Variants in APC2 observed in about 807,000 individuals in gnomAD.
APC2 encodes the protein APC regulator of Wnt signaling pathway 2.
Under a neutral mutation model 72.5 loss-of-function variants are expected in APC2, and 41 were observed. That is an observed-to-expected ratio of 0.57 (90% CI 0.44 to 0.73). APC2 has a LOEUF of 0.73. Ranked by LOEUF, APC2 falls within the 30% of genes least tolerant of loss-of-function variation. The pLI is 0.00. For synonymous variants in APC2, 1,898 were observed against 1,612.0 expected (o/e 1.18, Z -4.25); for missense variants, 3,729 against 3,403.4 (o/e 1.10, Z -2.38).
chr19:1,448,540 C>CA (rs2083707182), upstream of APC2, among the ~76,000 whole-genome samples: 3 of 138,334 alleles, frequency 2.2e-5, no homozygotes, highest in Non-Finnish European at 3.1e-5. Flanking sequence ...AGCAAGACCC[C>CA]ATCTAAAAAA....
rs2084127305 is a variant in APC2 at position 1,471,147 on chromosome 19, C to T, written c.*934C>T. 1 of 152,566 alleles carries T rather than the reference C, an allele frequency of 6.6e-6. No homozygotes were observed. The allele number at this position is 152,566 out of a possible 1,614,324, so 9.5% of individuals were successfully genotyped here. On this transcript the variant is annotated 3_prime_UTR_variant, in exon 15 of 15. Transcript: ENST00000590469. Reference sequence around the variant, plus strand: ...GAGTCCCGGCAGTGAGCCCGAGGCCCTGGGACCTGGAGCCCGCGCTGGCCT... The same window carrying T: ...GAGTCCCGGCAGTGAGCCCGAGGCCTTGGGACCTGGAGCCCGCGCTGGCCT...
In APC2 at chr19:1,466,737, A is replaced by G. The variant is rs1270779781; in HGVS notation, c.3436A>G (p.Ser1146Gly). The G allele has an allele frequency of 1.3e-6, 2 of 1,542,928 alleles. No individual in the cohort carries two copies. Among genetic ancestry groups the G allele is most frequent in the Non-Finnish European group, 8.7e-7 (1 of 1,142,904 alleles). ...GGGGGTGGAAGACGCCACGCCGTCC[A>G]GCTCGTCGGAGAACTACGTGCAGGA... ...GLGVEDATPS[S>G]SSENYVQETP... is the part of the protein sequence containing the mutation. Residue 1146 changes from serine to glycine, a missense_variant, in exon 15 of 15, where the codon AGC becomes GGC. Physicochemically the swap from Ser to Gly is moderately conservative, Grantham distance 56. Coordinates refer to ENST00000590469, the MANE Select transcript of APC2 (RefSeq NM_005883.3).
intron 6 of APC2, 51 bp from the exon 7 acceptor site, chr19:1,456,025 A>T: frequency 6.8e-7 from 1 of 1,470,384 alleles, no homozygotes; most frequent in Non-Finnish European, 9.0e-7. Context: ...GCGGGGTCAG[A>T]GCCGGGGGCG....
Position 1,461,027 on chromosome 19 carries a change from C to A in APC2, c.1522-10C>A, listed in dbSNP as rs2083914408. 2 of 1,613,672 alleles carry A rather than the reference C, an allele frequency of 1.2e-6. No homozygotes were observed. Among genetic ancestry groups the A allele is most frequent in the Non-Finnish European group, 1.7e-6 (2 of 1,179,830 alleles). ...CTAGTCCCACCACACTTGCCCCTCA[C>A]CCCACCCAGGTGGTGTCCAGCATCC... On this transcript the variant is annotated splice_polypyrimidine_tract_variant and intron_variant, in intron 12 of 14. Transcript: ENST00000590469.
chr19:1,460,197 G>A lies in APC2; in HGVS notation c.1320G>A (p.Val440=), dbSNP rs772815363. The change falls in exon 11 of 15, where the codon GTG becomes GTA. Residue 440 remains valine (V), a synonymous_variant. Transcript: ENST00000590469. The part of the protein sequence containing the change: ...AMNELGGLQA[V]AELLQVDYEM... The stretch of plus-strand genomic sequence containing the variant: ...TCCTCACAGGTGGGCTGCAGGCCGT[G>A]GCAGAGCTGCTGCAGGTTGACTATG... The A allele has an allele frequency of 3.3e-5, 54 of 1,613,424 alleles. No homozygotes were observed. Among genetic ancestry groups the A allele is most frequent in the Non-Finnish European group, 4.4e-5 (52 of 1,180,012 alleles).
chr19:1,465,665 T>TGCGGCC lies in APC2; in HGVS notation c.2371_2376dup (p.Ala791_Ala792dup), dbSNP rs768630327. On this transcript the variant is annotated inframe_insertion, in exon 15 of 15. Transcript: ENST00000590469. ...ACGACGATGCACCGTCATCCCTGGCTGCGGCCGCGGCCACCGGGGAGCCAG... is the reference window on the plus strand; with the variant it reads ...ACGACGATGCACCGTCATCCCTGGCTGCGGCCGCGGCCGCGGCCACCGGGGAGCCAG... 4 of 1,599,588 alleles carry TGCGGCC rather than the reference T, an allele frequency of 2.5e-6. No homozygotes were observed. The highest frequency in any genetic ancestry group is 2.3e-5 in the East Asian group (1 of 43,988).
chr19:1,469,576 G>C lies in APC2; in HGVS notation c.6275G>C (p.Arg2092Pro). The change falls in exon 15 of 15, where the codon CGG (arginine) becomes CCG (proline). Residue 2092 changes from arginine (R) to proline (P), a missense_variant. Coordinates refer to ENST00000590469, the MANE Select transcript of APC2 (RefSeq NM_005883.3). ...SRLPVRAPAARPETVKRYASL... is the reference protein window; with the variant it reads ...SRLPVRAPAAPPETVKRYASL... ...CTGCCTGTGCGCGCGCCCGCCGCCCGGCCGGAGACTGTCAAGCGCTACGCG... is the reference window on the plus strand; with the variant it reads ...CTGCCTGTGCGCGCGCCCGCCGCCCCGCCGGAGACTGTCAAGCGCTACGCG... 8.0e-7 allele frequency: 1 copy of C among 1,250,104 alleles called. No homozygotes were observed. Among genetic ancestry groups the C allele is most frequent in the Non-Finnish European group, 1.0e-6 (1 of 983,634 alleles). The allele number at this position is 1,250,104 out of a possible 1,614,324, so 77.4% of individuals were successfully genotyped here.
chr19:1,460,736 C>T (rs761899223), intron 11 of APC2, 44 bp from the exon 12 acceptor site: 6 of 1,589,468 alleles, frequency 3.8e-6, no homozygotes, highest in Non-Finnish European at 5.2e-6. Flanking sequence ...CACAGTCTCC[C>T]TTGTGTCCCA....
chr19:1,460,792 G>A lies in APC2; in HGVS notation c.1456G>A (p.Ala486Thr). ...TAACCCCCAACAGGCCACCCTGTGT[G>A]CGCGCCGCGGCTGCATGGAGGCCAT... ...GDVANKATLC[A>T]RRGCMEAIVA... Residue 486 changes from alanine (A) to threonine (T), a missense_variant, in exon 12 of 15, where the codon GCG becomes ACG. Physicochemically the swap from Ala to Thr is moderately conservative, Grantham distance 58. Coordinates refer to ENST00000590469, the MANE Select transcript of APC2 (RefSeq NM_005883.3). The A allele has an allele frequency of 5.0e-6, 8 of 1,613,104 alleles. No homozygotes were observed. The highest frequency in any genetic ancestry group is 5.9e-6 in the Non-Finnish European group (7 of 1,179,924).
At chr19:1,457,898 G>GGGGGGGGGGAC in intron 9 of APC2, 67 bp from the exon 10 acceptor site, 2 of 1,432,324 alleles carry the variant, frequency 1.4e-6, no homozygotes, top group Non-Finnish European at 1.9e-6. Flanking sequence ...CGGGTTGCGG[G>GGGGGGGGGGAC]ACCTTCGGGA....
rs2145258948 is a variant in APC2, at chr19:1,469,312, T to TGCG, written c.6015_6017dup (p.Arg2008dup). The stretch of plus-strand genomic sequence containing the variant: ...ACCTTCATCAAGGAGTCGCCGGGCT[T>TGCG]GCGGCGCCGCCGCTCCGAGCTGTCC... On this transcript the variant is annotated inframe_insertion, in exon 15 of 15. Coordinates refer to ENST00000590469, the MANE Select transcript of APC2 (RefSeq NM_005883.3). 7.1e-7 allele frequency: 1 copy of TGCG among 1,413,866 alleles called. No homozygotes were observed. The highest frequency in any genetic ancestry group is 1.5e-5 in the African/African-American group (1 of 66,358). The allele number at this position is 1,413,866 out of a possible 1,614,324, so 87.6% of individuals were successfully genotyped here. A position where few individuals can be genotyped will look rare whatever the true frequency, so the allele number is the denominator to read the frequency against.
chr19:1,470,456 G>A lies in APC2; in HGVS notation c.*243G>A. The stretch of plus-strand genomic sequence containing the variant: ...GGCCGCTAGGCCTCAAGTCCCGACC[G>A]TGGAGCGCTGGCAAGGGCGTCCTGG... On this transcript the variant is annotated 3_prime_UTR_variant, in exon 15 of 15. Transcript: ENST00000590469. The A allele has an allele frequency of 1.8e-6, 1 of 556,394 alleles. No individual in the cohort carries two copies. Among genetic ancestry groups the A allele is most frequent in the Non-Finnish European group, 2.9e-6 (1 of 339,128 alleles). 34.5% of individuals were successfully genotyped at this position (556,394 alleles called of 1,614,324 possible). A position where few individuals can be genotyped will look rare whatever the true frequency, so the allele number is the denominator to read the frequency against.
intron 14 of APC2, 40 bp from the exon 15 acceptor site, chr19:1,465,115 G>T: frequency 6.4e-7 from 1 of 1,566,776 alleles, no homozygotes; most frequent in Non-Finnish European, 8.7e-7. Context: ...GGCAGGGGAG[G>T]GTGGGGGGTG....
intron 11 of APC2, among the ~76,000 whole-genome samples, 179 bp downstream of exon 11, chr19:1,460,499 T>C (rs1472396712): frequency 6.6e-6 from 1 of 152,234 alleles, no homozygotes; most frequent in Non-Finnish European, 1.5e-5. Context: ...GAGCGCGTGC[T>C]GAACCTCCCC....
At position 1,468,979 on chromosome 19, in the gene APC2, T is replaced by A. The variant is rs2084080553; in HGVS notation, c.5678T>A (p.Val1893Asp). The change falls in exon 15 of 15, where the codon GTC becomes GAC. Residue 1893 changes from valine to aspartate, a missense_variant. Physicochemically the swap from Val to Asp is radical, Grantham distance 152. Transcript: ENST00000590469. ...SQPLPRKRPP[V>D]TQAAGALPGP... is the part of the protein sequence containing the mutation. ...CCCCTGCCCAGAAAGCGCCCCCCGG[T>A]CACCCAGGCTGCTGGGGCCCTGCCC... 6.4e-7 allele frequency: 1 copy of A among 1,558,808 alleles called. No individual in the cohort carries two copies. Among genetic ancestry groups the A allele is most frequent in the Non-Finnish European group, 8.6e-7 (1 of 1,158,122 alleles).
chr19:1,460,799 G>T lies in APC2; in HGVS notation c.1463G>T (p.Arg488Leu). The T allele has an allele frequency of 6.2e-7, 1 of 1,613,104 alleles. No homozygotes were observed. Among genetic ancestry groups the T allele is most frequent in the African/African-American group, 1.3e-5 (1 of 75,054 alleles). Reference protein sequence around the residue: ...VANKATLCARRGCMEAIVAQL... With the variant: ...VANKATLCARLGCMEAIVAQL... ...CAACAGGCCACCCTGTGTGCGCGCC[G>T]CGGCTGCATGGAGGCCATCGTGGCC... Residue 488 changes from arginine to leucine, a missense_variant, in exon 12 of 15, where the codon CGC becomes CTC. By Grantham distance (102) the Arg-to-Leu change is moderately radical. Transcript: ENST00000590469.
At position 1,470,427 on chromosome 19, in the gene APC2, G is replaced by A. The variant is rs982560974; in HGVS notation, c.*214G>A. ...TGCCGCGGAGGTCCAGGAGGAAACG[G>A]GGCGGCCGCTAGGCCTCAAGTCCCG... is the stretch of plus-strand genomic sequence containing the variant. On this transcript the variant is annotated 3_prime_UTR_variant, in exon 15 of 15. Coordinates refer to ENST00000590469, the MANE Select transcript of APC2 (RefSeq NM_005883.3). 5 of 708,940 alleles carry A rather than the reference G, an allele frequency of 7.1e-6. No homozygotes were observed. Among genetic ancestry groups the A allele is most frequent in the Non-Finnish European group, 1.1e-5 (5 of 469,016 alleles). The allele number at this position is 708,940 out of a possible 1,614,324, so 43.9% of individuals were successfully genotyped here. A position where few individuals can be genotyped will look rare whatever the true frequency, so the allele number is the denominator to read the frequency against.
upstream of APC2, among the ~76,000 whole-genome samples, chr19:1,448,704 C>T (rs772045945): frequency 3.3e-5 from 5 of 151,450 alleles, no homozygotes; most frequent in African/African-American, 7.3e-5. Flanking sequence ...TTAGCCTGGG[C>T]GTGGTGGCGG....
Position 1,453,380 on chromosome 19 carries a change from G to A in APC2, c.232+43G>A, listed in dbSNP as rs1208844504. The stretch of plus-strand genomic sequence containing the variant: ...CCGCAGAGGGAGTGGGGGAGGCTGG[G>A]GGGAAAGGCAGGCAGGGCCGCTGAC... On this transcript the variant is annotated intron_variant, in intron 3 of 14. Transcript: ENST00000590469. 3.7e-6 allele frequency: 6 copies of A among 1,611,316 alleles called. No homozygotes were observed. The East Asian group carries it at 8.9e-5, about 24-fold the overall frequency.
Sources: allele counts gnomAD v4.1 joint callset (sites outside exome capture counted in the v4.1 genomes callset), GRCh38; gene constraint gnomAD v4.1.1; transcripts MANE v1.5; gene names NCBI Gene and HGNC (gene_info 2026-07-23, HGNC 2026-07-21).